Variants in SUSD4 observed in about 807,000 individuals in gnomAD.
The protein encoded by SUSD4 is sushi domain-containing protein 4.
Under a neutral mutation model 50.5 loss-of-function variants are expected in SUSD4, and 41 were observed. That is an observed-to-expected ratio of 0.81 (90% CI 0.63 to 1.05). The LOEUF is 1.05. Among genes scored for constraint, SUSD4 ranks in the 50% least tolerant of loss-of-function variants. The probability of loss-of-function intolerance (pLI) is 0.00; values close to 1 mark genes in which losing one functional copy is unlikely to be tolerated. For missense variants in SUSD4, 580 were observed against 634.7 expected (o/e 0.91, Z 0.93); for synonymous variants, 257 against 257.3 (o/e 1.00, Z 0.01).
intron 2 of SUSD4, among the ~76,000 whole-genome samples, chr1:223,344,810 G>T (rs1403357774): frequency 6.6e-6 from 1 of 152,200 alleles, no homozygotes; most frequent in African/African-American, 2.4e-5. Flanking sequence ...AGGGTAGGCA[G>T]ATTGCTTCCT....
chr1:223,289,138 G>A (rs1664323904), intron 3 of SUSD4: 1 of 985,342 alleles, frequency 1.0e-6, no homozygotes, highest in African/African-American at 1.7e-5. Flanking sequence ...CAGCAGCCCT[G>A]CGCCCACGGG....
At chr1:223,252,230 A>ATAT (rs1553285623) in intron 5 of SUSD4, among the ~76,000 whole-genome samples, 9 of 64,700 alleles carry the variant, frequency 1.4e-4, no homozygotes, top group East Asian at 5.7e-4. Context: ...AAAAAAAAAA[A>ATAT]AAAAAAATAT....
At chr1:223,256,274 G>A (rs1005128933) in intron 5 of SUSD4, among the ~76,000 whole-genome samples, 1 of 152,192 alleles carries the variant, frequency 6.6e-6, no homozygotes, top group African/African-American at 2.4e-5. Context: ...ACGGAAGGCA[G>A]TGCAGTACAG....
At chr1:223,352,872 T>C (rs866390697) in intron 2 of SUSD4, among the ~76,000 whole-genome samples, 1 of 152,022 alleles carries the variant, frequency 6.6e-6, no homozygotes, top group Non-Finnish European at 1.5e-5. Context: ...ACCTCCAGCA[T>C]CCAGCAACAG....
chr1:223,360,530 A>G (rs1166870980), intron 2 of SUSD4, among the ~76,000 whole-genome samples: 4 of 152,182 alleles, frequency 2.6e-5, no homozygotes, highest in Admixed American at 2.6e-4. Context: ...AAGCTTCCCT[A>G]GGGTTCAAAG....
rs1571835853 is a variant in SUSD4, at chr1:223,229,622, C to T, written c.725-234G>A. 6.6e-6 allele frequency among the ~76,000 whole-genome samples: 1 copy of T among 152,120 alleles called. No homozygotes were observed. Among genetic ancestry groups the T allele is most frequent in the Admixed American group, 6.5e-5 (1 of 15,288 alleles). On this transcript the variant is annotated intron_variant, in intron 5 of 8. Coordinates refer to ENST00000366878, the MANE Select transcript of SUSD4 (RefSeq NM_017982.4). The surrounding 1 kb of genome is among the most constrained non-coding windows in gnomAD (Gnocchi z 4.7). ...CGTTGTGACATGGCATTGTGAAGTACATCGTAAAAGAGAGGTTCGTTTTAC... is the reference window on the plus strand; with the variant it reads ...CGTTGTGACATGGCATTGTGAAGTATATCGTAAAAGAGAGGTTCGTTTTAC...
At chr1:223,256,384 T>C (rs2103054822) in intron 5 of SUSD4, among the ~76,000 whole-genome samples, 1 of 152,270 alleles carries the variant, frequency 6.6e-6, no homozygotes, top group African/African-American at 2.4e-5. Flanking sequence ...CTGCTTCCTA[T>C]CTGAAAATAG....
rs1436757558 is a variant in SUSD4 at position 223,335,059 on chromosome 1, T to C, written c.148+28219A>G. ...TGCAAATGCCATTAATCCATTCCTT[T>C]TTATGGCTGACTAGTACTCAATCAT... On this transcript the variant is annotated intron_variant, in intron 2 of 8. Coordinates refer to ENST00000366878, the MANE Select transcript of SUSD4 (RefSeq NM_017982.4). Among the ~76,000 whole-genome samples the C allele has an allele frequency of 4.8e-4, 73 of 152,230 alleles. 1 individual carries two copies. The highest frequency in any genetic ancestry group is 7.3e-5 in the Non-Finnish European group (5 of 68,042).
intron 3 of SUSD4, among the ~76,000 whole-genome samples, chr1:223,291,014 A>G (rs1024375803): frequency 1.3e-5 from 2 of 152,194 alleles, no homozygotes; most frequent in Non-Finnish European, 2.9e-5. Context: ...CACAGCTTGC[A>G]TAGGCTGCAT....
intron 2 of SUSD4, among the ~76,000 whole-genome samples, chr1:223,347,854 G>C (rs557692789): frequency 7.1e-6 from 1 of 140,022 alleles, no homozygotes; most frequent in Non-Finnish European, 1.6e-5. Context: ...CCAGTTGTCT[G>C]GAGGAAAGCA....
chr1:223,315,518 G>C (rs886625973), intron 2 of SUSD4, among the ~76,000 whole-genome samples: 3 of 152,150 alleles, frequency 2.0e-5, no homozygotes, highest in Non-Finnish European at 4.4e-5. Context: ...CAGACTCCCT[G>C]GCCCGCCAAA....
intron 3 of SUSD4, among the ~76,000 whole-genome samples, chr1:223,280,156 T>C (rs932345601): frequency 1.3e-5 from 2 of 152,142 alleles, no homozygotes; most frequent in Non-Finnish European, 2.9e-5. Flanking sequence ...AGACCATCGA[T>C]GCTAGGAAGA....
intron 2 of SUSD4, among the ~76,000 whole-genome samples, chr1:223,318,750 T>C (rs1279772017): frequency 6.6e-6 from 1 of 151,408 alleles, no homozygotes; most frequent in African/African-American, 2.4e-5. Context: ...ACAGATTCAA[T>C]GCCATCCCCA....
chr1:223,280,393 T>C (rs1663620609), intron 3 of SUSD4, among the ~76,000 whole-genome samples: 1 of 140,076 alleles, frequency 7.1e-6, no homozygotes, highest in Non-Finnish European at 1.5e-5. Flanking sequence ...TGGAGGAAGA[T>C]CTACCAAGCG....
chr1:223,246,827 A>G (rs190130634), intron 5 of SUSD4, among the ~76,000 whole-genome samples: 82 of 152,298 alleles, frequency 5.4e-4, no homozygotes, highest in Admixed American at 1.2e-3. Flanking sequence ...ACCAATTTAT[A>G]TGTTTCATTA....
intron 2 of SUSD4, among the ~76,000 whole-genome samples, chr1:223,302,580 C>T (rs943839288): frequency 1.3e-5 from 2 of 152,190 alleles, no homozygotes; most frequent in African/African-American, 4.8e-5. Context: ...TGGAGATCCA[C>T]CCTGAGCCAA....
At chr1:223,254,705 T>C (rs978728317) in intron 5 of SUSD4, among the ~76,000 whole-genome samples, 2 of 152,142 alleles carry the variant, frequency 1.3e-5, no homozygotes, top group African/African-American at 4.8e-5. Flanking sequence ...GAAAAAAGAA[T>C]AATGAAGCTT....
intron 3 of SUSD4, among the ~76,000 whole-genome samples, chr1:223,277,388 A>G (rs1453618001): frequency 6.6e-6 from 1 of 152,094 alleles, no homozygotes; most frequent in African/African-American, 2.4e-5. Flanking sequence ...CTGTGGCAGG[A>G]ACAGCTCCTC....
At chr1:223,341,225 G>T (rs994508847) in intron 2 of SUSD4, among the ~76,000 whole-genome samples, 2 of 152,192 alleles carry the variant, frequency 1.3e-5, no homozygotes, top group African/African-American at 4.8e-5. Flanking sequence ...ACTATAACAT[G>T]GGAACCCGAA....
Sources: gnomAD v4.1 joint callset for allele counts (sites outside exome capture counted in the v4.1 genomes callset) on GRCh38, gnomAD v4.1.1 for gene constraint, Gnocchi (gnomAD v3.1) non-coding constraint, MANE v1.5 for transcripts, NCBI Gene and HGNC (gene_info 2026-07-23, HGNC 2026-07-21) for gene names.